The following PSMG2 variants were observed in gnomAD, a reference collection of about 807,000 sequenced individuals.
PSMG2 encodes the protein proteasome assembly chaperone 2.
In PSMG2, 21 loss-of-function variants were observed where a neutral mutation model predicts 31.5. That is an observed-to-expected ratio of 0.67 (90% confidence interval 0.47 to 0.96). The LOEUF is 0.96. Ranked by LOEUF, PSMG2 falls within the 40% of genes least tolerant of loss-of-function variation. The pLI is 0.00. For missense variants in PSMG2, 318 were observed against 321.2 expected, an observed-to-expected ratio of 0.99 and a Z score of 0.08; for synonymous variants, 120 against 110.4, an observed-to-expected ratio of 1.09 and a Z score of -0.54.
At chr18:12,683,337 G>A (rs2039419815) in intron 1 of PSMG2, among the ~76,000 whole-genome samples, 1 of 145,048 alleles carries the variant, frequency 6.9e-6, no homozygotes, top group Non-Finnish European at 1.5e-5. Flanking sequence ...GGGCGACAGA[G>A]CGAGACCCCG....
chr18:12,724,343 CTGTG>C, intron 5 of PSMG2, 152 bp from the exon 6 acceptor site: 1 of 704,092 alleles, frequency 1.4e-6, no homozygotes, highest in Non-Finnish European at 2.2e-6. Context: ...GTAGAAAACT[CTGTG>C]TGGGGCGAAG....
intron 2 of PSMG2, among the ~76,000 whole-genome samples, chr18:12,709,903 C>A (rs1001374904): frequency 3.4e-5 from 5 of 146,684 alleles, no homozygotes; most frequent in African/African-American, 1.3e-4. Context: ...CCCAAAGTGC[C>A]GGAATTACAG....
intron 1 of PSMG2, chr18:12,661,328 T>A: frequency 4.1e-6 from 4 of 980,788 alleles, no homozygotes; most frequent in Non-Finnish European, 3.6e-6. Context: ...GAAAAAAAAT[T>A]GATAAGCCTT....
intron 1 of PSMG2, among the ~76,000 whole-genome samples, chr18:12,664,385 A>G (rs896209130): frequency 1.3e-5 from 2 of 150,554 alleles, no homozygotes; most frequent in African/African-American, 4.9e-5. Flanking sequence ...AAAAATACAA[A>G]ATTAAAATAC....
upstream of PSMG2, chr18:12,701,160 A>T: frequency 2.1e-6 from 3 of 1,433,352 alleles, no homozygotes; most frequent in Non-Finnish European, 1.9e-6. Flanking sequence ...CAAAGCAGTC[A>T]AATACTGCTT....
At chr18:12,701,794 C>T (rs182679701), upstream of PSMG2, among the ~76,000 whole-genome samples, 392 of 152,312 alleles carry the variant, frequency 2.6e-3, 1 homozygote, top group African/African-American at 9.1e-3. Flanking sequence ...ATTGAAGCTC[C>T]TGGTTCAACT....
intron 1 of PSMG2, chr18:12,674,732 A>G: frequency 6.2e-7 from 1 of 1,613,992 alleles, no homozygotes; most frequent in Non-Finnish European, 8.5e-7. Context: ...TGGTCTTCCC[A>G]AACAGTAGTG....
chr18:12,673,479 G>A lies in PSMG2; in HGVS notation c.-37+14706G>A, dbSNP rs761143650. On this transcript the variant is annotated intron_variant, in intron 1 of 6. Coordinates refer to the PSMG2 transcript ENST00000585331. ...GTCGCACTTGGTCTCCACGGCAACA[G>A]ATTATTTCTTCACAGAAAGGAGATC... The A allele has an allele frequency of 3.8e-6, 6 of 1,580,582 alleles. No individual in the cohort carries two copies. The Admixed American group carries it at 1.0e-4, about 26-fold the overall frequency.
At chr18:12,696,121 ATTGT>A (rs1156407489) in intron 1 of PSMG2, among the ~76,000 whole-genome samples, 1 of 152,172 alleles carries the variant, frequency 6.6e-6, no homozygotes, top group Non-Finnish European at 1.5e-5. Flanking sequence ...CAAATTGGGT[ATTGT>A]TTTTGAAAAT....
intron 1 of PSMG2, among the ~76,000 whole-genome samples, chr18:12,667,480 G>C (rs928905262): frequency 6.6e-6 from 1 of 152,002 alleles, no homozygotes; most frequent in Non-Finnish European, 1.5e-5. Flanking sequence ...TATAATATTC[G>C]GCCAGGCCGG....
intron 1 of PSMG2, among the ~76,000 whole-genome samples, chr18:12,690,447 A>AC (rs1236846370): frequency 6.6e-6 from 1 of 151,426 alleles, no homozygotes; most frequent in East Asian, 1.9e-4. Context: ...CGTGAACCTG[A>AC]CCACATTTTT....
At chr18:12,661,780 G>GA (rs113024471) in intron 1 of PSMG2, 3,339 of 141,946 alleles carry the variant, frequency 0.024, 121 homozygotes, top group African/African-American at 0.076. Flanking sequence ...GTCTCAAAGA[G>GA]AAAAAAAAAA....
chr18:12,684,360 C>A (rs995498353), intron 1 of PSMG2: 1 of 152,064 alleles, frequency 6.6e-6, no homozygotes, highest in Non-Finnish European at 1.5e-5. Flanking sequence ...AGTGATTTGC[C>A]CACCTTGGCC....
At chr18:12,719,508 C>T (rs1414940864) in intron 4 of PSMG2, among the ~76,000 whole-genome samples, 1 of 151,724 alleles carries the variant, frequency 6.6e-6, no homozygotes, top group Admixed American at 6.6e-5. Flanking sequence ...CTGCCTCAGC[C>T]TCCTGAGTAG....
chr18:12,682,541 A>G (rs1427957328), intron 1 of PSMG2, among the ~76,000 whole-genome samples: 5 of 152,320 alleles, frequency 3.3e-5, no homozygotes, highest in African/African-American at 1.2e-4. Flanking sequence ...AGTTTTTTAA[A>G]AAAAATTAAC....
At chr18:12,711,696 A>G (rs2040333083) in intron 2 of PSMG2, among the ~76,000 whole-genome samples, 1 of 150,524 alleles carries the variant, frequency 6.6e-6, no homozygotes, top group Non-Finnish European at 1.5e-5. Flanking sequence ...TTAGCACAGT[A>G]GTAATCCTGT....
upstream of PSMG2, chr18:12,702,873 C>G: frequency 1.7e-6 from 1 of 577,012 alleles, no homozygotes; most frequent in Non-Finnish European, 3.0e-6. Flanking sequence ...ACCCCATCGC[C>G]TTGCTTGCCA....
intron 1 of PSMG2, among the ~76,000 whole-genome samples, chr18:12,695,763 C>G (rs1389884271): frequency 1.3e-5 from 2 of 151,918 alleles, no homozygotes; most frequent in Non-Finnish European, 2.9e-5. Context: ...ATTTGAGACT[C>G]TTAATTTTTG....
At chr18:12,718,358 C>T (rs2040398128) in intron 3 of PSMG2, among the ~76,000 whole-genome samples, 159 bp from the exon 4 acceptor site, 1 of 152,154 alleles carries the variant, frequency 6.6e-6, no homozygotes, top group South Asian at 2.1e-4. Context: ...TTATCATTCA[C>T]TTTCGGTTTA....
Sources: allele counts gnomAD v4.1 joint callset (sites outside exome capture counted in the v4.1 genomes callset), GRCh38; gene constraint gnomAD v4.1.1; transcripts MANE v1.5; gene names NCBI Gene and HGNC (gene_info 2026-07-23, HGNC 2026-07-21).